Variants in SPRING1 observed in about 807,000 individuals in gnomAD.
SPRING1 encodes the protein SREBP regulating gene protein.
A neutral mutation model predicts 24.7 loss-of-function variants in SPRING1; 14 were observed. The ratio of observed to expected loss-of-function variants is 0.57; its 90% CI spans 0.37 to 0.88. SPRING1 has a LOEUF of 0.88. SPRING1 is among the 40% of genes least tolerant of loss of function. The pLI is 0.00. For missense variants in SPRING1, 255 were observed against 268.4 expected, an observed-to-expected ratio of 0.95 and a Z score of 0.35; for synonymous variants, 93 against 106.1, an observed-to-expected ratio of 0.88 and a Z score of 0.76.
rs1454241319 is a variant in SPRING1 at position 116,730,298 on chromosome 12, G to A, written c.112-7075C>T. Among the ~76,000 whole-genome samples, 3 of 151,830 alleles carry A rather than the reference G, an allele frequency of 2.0e-5. No homozygotes were observed. In the East Asian group the frequency reaches 5.8e-4, roughly 29 times the overall value. Reference sequence around the variant, plus strand: ...CTGGCTCAATGCAACTTCCACCTCAGGTTCAAGTGATTCTCCTGACTCAGA... The same window carrying A: ...CTGGCTCAATGCAACTTCCACCTCAAGTTCAAGTGATTCTCCTGACTCAGA... On this transcript the variant is annotated intron_variant, in intron 1 of 4. Coordinates refer to ENST00000261318, the MANE Select transcript of SPRING1 (RefSeq NM_024738.4).
At position 116,717,976 on chromosome 12, in the gene SPRING1, G is replaced by A. The variant is rs905931738; in HGVS notation, c.535-83C>T. On this transcript the variant is annotated intron_variant, in intron 4 of 4. Coordinates refer to ENST00000261318, the MANE Select transcript of SPRING1 (RefSeq NM_024738.4). This position sits in a 1 kb window ranked among gnomAD's most constrained non-coding sequence, Gnocchi z 4.2. The stretch of plus-strand genomic sequence containing the variant: ...CCTCTCGGAAGAGTGAGAGTGGATC[G>A]GGACTGTCAGACTCTCCCTGCAGGG... 22 of 1,175,018 alleles carry A rather than the reference G, an allele frequency of 1.9e-5. No homozygotes were observed. Among genetic ancestry groups the A allele is most frequent in the African/African-American group, 6.2e-5 (4 of 64,156 alleles). 72.8% of individuals were successfully genotyped at this position (1,175,018 alleles called of 1,614,324 possible). A position where few individuals can be genotyped will look rare whatever the true frequency, so the allele number is the denominator to read the frequency against.
intron 1 of SPRING1, among the ~76,000 whole-genome samples, chr12:116,733,753 G>A (rs578094424): frequency 6.6e-6 from 1 of 152,316 alleles, no homozygotes; most frequent in East Asian, 1.9e-4. Flanking sequence ...ACAGCTGACA[G>A]TAGTACACAG....
chr12:116,737,385 T>G (rs1592927803), intron 1 of SPRING1, among the ~76,000 whole-genome samples: 31 of 119,222 alleles, frequency 2.6e-4, no homozygotes, highest in Admixed American at 3.5e-4. Context: ...AGAAAGGGAG[T>G]AAAGGAAGAA....
intron 4 of SPRING1, among the ~76,000 whole-genome samples, chr12:116,719,452 A>G (rs889685561): frequency 2.0e-5 from 3 of 152,232 alleles, no homozygotes; most frequent in Non-Finnish European, 4.4e-5. Flanking sequence ...TTCTCTTAGA[A>G]GCTGACTATT....
chr12:116,737,478 G>A (rs1871293502), intron 1 of SPRING1, among the ~76,000 whole-genome samples: 1 of 147,578 alleles, frequency 6.8e-6, no homozygotes, highest in Non-Finnish European at 1.5e-5. Context: ...GAGGAAAAAG[G>A]GGAGGAAAGA....
intron 1 of SPRING1, among the ~76,000 whole-genome samples, chr12:116,724,855 T>A (rs1345670631): frequency 6.6e-6 from 1 of 152,206 alleles, no homozygotes; most frequent in East Asian, 1.9e-4. Flanking sequence ...TAAAAACAAA[T>A]TCTGATTCCT....
intron 1 of SPRING1, among the ~76,000 whole-genome samples, chr12:116,729,362 C>T (rs1383809516): frequency 6.6e-6 from 1 of 152,230 alleles, no homozygotes; most frequent in East Asian, 1.9e-4. Context: ...TTGACAGCTG[C>T]AGGTTCCTAA....
chr12:116,735,250 G>A (rs1313965399), intron 1 of SPRING1, among the ~76,000 whole-genome samples: 2 of 152,144 alleles, frequency 1.3e-5, no homozygotes, highest in African/African-American at 2.4e-5. Context: ...GTCCAAACAC[G>A]AACACATTCA....
In SPRING1 at chr12:116,720,018, C is replaced by A; in HGVS notation, c.421-142G>T. On this transcript the variant is annotated intron_variant, in intron 3 of 4. Coordinates refer to ENST00000261318, the MANE Select transcript of SPRING1 (RefSeq NM_024738.4). This position sits in a 1 kb window ranked among gnomAD's most constrained non-coding sequence, Gnocchi z 4.0. ...AAAAGGAGGGAGGGGAAAGGACACA[C>A]GCGTGCACACACGTGCATGCCAAAA... is the stretch of plus-strand genomic sequence containing the variant. 1.3e-6 allele frequency: 1 copy of A among 767,282 alleles called. No homozygotes were observed. The highest frequency in any genetic ancestry group is 2.1e-6 in the Non-Finnish European group (1 of 468,784). The allele number at this position is 767,282 out of a possible 1,614,324, so 47.5% of individuals were successfully genotyped here.
chr12:116,737,878 A>C lies in SPRING1; in HGVS notation c.23T>G (p.Val8Gly), dbSNP rs200999133. 7 of 1,569,078 alleles carry C rather than the reference A, an allele frequency of 4.5e-6. No homozygotes were observed. The Admixed American group carries it at 5.4e-5, about 12-fold the overall frequency. The change falls in exon 1 of 5, where the codon GTG becomes GGG. Residue 8 changes from valine to glycine, a missense_variant. Transcript: ENST00000261318. MVNLAAM[V>G]WRRLLRKRWV... The stretch of plus-strand genomic sequence containing the variant: ...CCTCTTCCGCAGAAGCCGGCGCCAC[A>C]CCATGGCCGCCAGGTTCACCATCCC...
chr12:116,719,972 G>A, intron 3 of SPRING1, 96 bp from the exon 4 acceptor site: 1 of 1,076,198 alleles, frequency 9.3e-7, no homozygotes, highest in Non-Finnish European at 1.4e-6. Flanking sequence ...GCTGATACAG[G>A]GAAGGGGGGA....
chr12:116,726,386 C>T (rs1245861191), intron 1 of SPRING1, among the ~76,000 whole-genome samples: 2 of 152,154 alleles, frequency 1.3e-5, no homozygotes, highest in Non-Finnish European at 2.9e-5. Context: ...ACAATTTGAC[C>T]ACAACCCCAC....
chr12:116,726,779 G>A (rs888301485), intron 1 of SPRING1, among the ~76,000 whole-genome samples: 1 of 152,162 alleles, frequency 6.6e-6, no homozygotes, highest in Non-Finnish European at 1.5e-5. Flanking sequence ...ACAGTAAACT[G>A]GATTTTACGA....
chr12:116,720,502 C>T lies in SPRING1; in HGVS notation c.269-55G>A, dbSNP rs1870376553. ...AACCAGCAGCCTTGCCACCTCCCTA[C>T]CAGGGATGACCATGAAGCAGCAGTG... On this transcript the variant is annotated intron_variant, in intron 2 of 4. Coordinates refer to ENST00000261318, the MANE Select transcript of SPRING1 (RefSeq NM_024738.4). The surrounding 1 kb of genome is among the most constrained non-coding windows in gnomAD (Gnocchi z 4.0). 6.3e-7 allele frequency: 1 copy of T among 1,589,222 alleles called. No homozygotes were observed. Among genetic ancestry groups the T allele is most frequent in the Non-Finnish European group, 8.6e-7 (1 of 1,165,466 alleles).
chr12:116,722,001 G>A, intron 2 of SPRING1, among the ~76,000 whole-genome samples: 1 of 152,106 alleles, frequency 6.6e-6, no homozygotes, highest in Non-Finnish European at 1.5e-5. Flanking sequence ...CTCCAACAAG[G>A]AGTCCTGTAA....
In SPRING1 at chr12:116,737,949, C is replaced by G; in HGVS notation, c.-49G>C. ...CGGCCGGGGCGCGGAACGCGGCAGG[C>G]CCGGGTCCCGGGCGGCATGGCCCCT... On this transcript the variant is annotated 5_prime_UTR_variant, in exon 1 of 5. Transcript: ENST00000261318. 7.5e-7 allele frequency: 1 copy of G among 1,324,722 alleles called. No homozygotes were observed. Among genetic ancestry groups the G allele is most frequent in the Non-Finnish European group, 9.7e-7 (1 of 1,035,416 alleles). 82.1% of individuals were successfully genotyped at this position (1,324,722 alleles called of 1,614,324 possible). A position where few individuals can be genotyped will look rare whatever the true frequency, so the allele number is the denominator to read the frequency against.
chr12:116,736,520 C>A (rs1177883346), intron 1 of SPRING1, among the ~76,000 whole-genome samples: 1 of 152,246 alleles, frequency 6.6e-6, no homozygotes, highest in Admixed American at 6.5e-5. Flanking sequence ...AGCTCCCCTG[C>A]CAATCCACTA....
intron 1 of SPRING1, 31 bp downstream of exon 1, chr12:116,737,759 G>T (rs1232187957): frequency 4.6e-6 from 7 of 1,515,254 alleles, no homozygotes; most frequent in Non-Finnish European, 6.2e-6. Flanking sequence ...AGGAAGAAGG[G>T]AAGGGGAGGA....
At chr12:116,719,611 T>TA in intron 4 of SPRING1, 152 bp downstream of exon 4, 2 of 610,186 alleles carry the variant, frequency 3.3e-6, no homozygotes, top group Non-Finnish European at 5.7e-6. Flanking sequence ...GTTGACATTT[T>TA]AAATACTATC....
Sources: gnomAD v4.1 joint callset for allele counts (sites outside exome capture counted in the v4.1 genomes callset) on GRCh38, gnomAD v4.1.1 for gene constraint, Gnocchi (gnomAD v3.1) non-coding constraint, MANE v1.5 for transcripts, NCBI Gene and HGNC (gene_info 2026-07-23, HGNC 2026-07-21) for gene names.